The following CSMD1 variants were observed in gnomAD, a reference collection of about 807,000 sequenced individuals.
CSMD1 encodes CUB and sushi domain-containing protein 1.
In CSMD1, 213 loss-of-function variants were observed where a neutral mutation model predicts 417.5. The observed-to-expected ratio is 0.51, with a 90% CI of 0.46 to 0.57. CSMD1 has a LOEUF of 0.57. Among genes scored for constraint, CSMD1 ranks in the 20% least tolerant of loss-of-function variants. The pLI, the probability that CSMD1 is intolerant of heterozygous loss-of-function variation, is 0.00. For missense variants in CSMD1, 6,923 were observed against 4,529.7 expected, an observed-to-expected ratio of 1.53 and a Z score of -15.17; for synonymous variants, 2,862 against 1,736.8, an observed-to-expected ratio of 1.65 and a Z score of -16.11.
At chr8:3,556,834 C>T (rs759103694) in intron 10 of CSMD1, among the ~76,000 whole-genome samples, 5 of 151,758 alleles carry the variant, frequency 3.3e-5, no homozygotes, top group Non-Finnish European at 5.9e-5. Context: ...CCCTTCACTG[C>T]CATAGGGCTT....
chr8:3,007,988 A>G (rs1808084020), intron 52 of CSMD1, among the ~76,000 whole-genome samples: 1 of 152,166 alleles, frequency 6.6e-6, no homozygotes, highest in Non-Finnish European at 1.5e-5. Context: ...CTGCTATTAT[A>G]TTTTGCTTAA....
At chr8:4,714,941 G>C (rs1389991980) in intron 1 of CSMD1, among the ~76,000 whole-genome samples, 1 of 152,166 alleles carries the variant, frequency 6.6e-6, no homozygotes, top group Non-Finnish European at 1.5e-5. Flanking sequence ...GGTGTCTAGA[G>C]AATTCTGCTG....
intron 21 of CSMD1, among the ~76,000 whole-genome samples, chr8:3,354,807 C>A (rs1429328289): frequency 2.0e-4 from 20 of 98,334 alleles, no homozygotes; most frequent in Admixed American, 5.6e-4. Context: ...AACTCTCTCT[C>A]TCTCTATATA....
intron 2 of CSMD1, among the ~76,000 whole-genome samples, chr8:4,627,740 A>C (rs1802203897): frequency 6.6e-6 from 1 of 152,158 alleles, no homozygotes; most frequent in Non-Finnish European, 1.5e-5. Flanking sequence ...CCCCTCAGCC[A>C]GTTCCAGCTA....
intron 12 of CSMD1, among the ~76,000 whole-genome samples, chr8:3,439,153 CCAAG>C (rs1563390146): frequency 7.8e-4 from 31 of 39,868 alleles, no homozygotes; most frequent in South Asian, 2.0e-3. Flanking sequence ...AAAAAAAAAA[CCAAG>C]AAAAAAAAAA....
At chr8:3,276,472 G>T (rs1802299829) in intron 26 of CSMD1, among the ~76,000 whole-genome samples, 1 of 152,054 alleles carries the variant, frequency 6.6e-6, no homozygotes, top group Admixed American at 6.6e-5. Flanking sequence ...GCTTGTGCAG[G>T]GAAACTCCCA....
chr8:4,240,859 T>A (rs950687524), intron 3 of CSMD1, among the ~76,000 whole-genome samples: 7 of 152,224 alleles, frequency 4.6e-5, no homozygotes, highest in African/African-American at 1.7e-4. Context: ...TAGCATTTTT[T>A]AAAATATTGA....
At chr8:3,197,118 T>C (rs1292044385) in intron 33 of CSMD1, among the ~76,000 whole-genome samples, 5 of 152,206 alleles carry the variant, frequency 3.3e-5, no homozygotes, top group Non-Finnish European at 7.3e-5. Context: ...TTACATTGCT[T>C]CAGAAGTTCA....
At chr8:3,783,057 G>A (rs768904682) in intron 5 of CSMD1, among the ~76,000 whole-genome samples, 2 of 152,064 alleles carry the variant, frequency 1.3e-5, no homozygotes, top group Non-Finnish European at 2.9e-5. Context: ...ACTTCCTACT[G>A]TTGAAAGCAA....
intron 11 of CSMD1, among the ~76,000 whole-genome samples, chr8:3,476,229 G>T (rs1049743996): frequency 6.6e-6 from 1 of 152,152 alleles, no homozygotes; most frequent in Non-Finnish European, 1.5e-5. Flanking sequence ...ACCTATCTCT[G>T]ACTCTGAAAT....
At chr8:3,495,316 A>C (rs1796318655) in intron 10 of CSMD1, among the ~76,000 whole-genome samples, 2 of 152,210 alleles carry the variant, frequency 1.3e-5, no homozygotes, top group Admixed American at 1.3e-4. Flanking sequence ...CCGACATGTT[A>C]ACTCAGTCCT....
intron 3 of CSMD1, among the ~76,000 whole-genome samples, chr8:4,358,899 G>T (rs1390047223): frequency 1.3e-5 from 2 of 151,952 alleles, no homozygotes; most frequent in Admixed American, 1.3e-4. Context: ...AAAACTACAG[G>T]ACAGTGAACC....
intron 3 of CSMD1, among the ~76,000 whole-genome samples, chr8:4,057,147 C>G (rs1235766122): frequency 3.3e-5 from 5 of 152,172 alleles, no homozygotes; most frequent in Admixed American, 3.3e-4. Context: ...TTTACAGTCC[C>G]ACCAACAGTG....
chr8:4,454,703 C>T (rs1799364725), intron 2 of CSMD1, among the ~76,000 whole-genome samples: 3 of 152,158 alleles, frequency 2.0e-5, no homozygotes, highest in East Asian at 1.9e-4. Context: ...AGCTAATCAA[C>T]CTGAAACTTT....
intron 5 of CSMD1, among the ~76,000 whole-genome samples, chr8:3,997,521 C>T (rs576969943): frequency 1.3e-5 from 2 of 152,198 alleles, no homozygotes; most frequent in Non-Finnish European, 2.9e-5. Context: ...ATATCTGCAG[C>T]AGTCTGTCAA....
At chr8:3,840,666 A>G (rs1335127477) in intron 5 of CSMD1, among the ~76,000 whole-genome samples, 1 of 150,946 alleles carries the variant, frequency 6.6e-6, no homozygotes, top group African/African-American at 2.4e-5. Context: ...TGAGGTCACT[A>G]TACAGTGACC....
intron 5 of CSMD1, among the ~76,000 whole-genome samples, chr8:3,866,586 A>C (rs775222809): frequency 6.6e-5 from 10 of 151,928 alleles, no homozygotes; most frequent in Non-Finnish European, 1.3e-4. Context: ...AGCCACTGAA[A>C]ACACCTTATA....
At chr8:4,498,995 T>C (rs929589215) in intron 2 of CSMD1, among the ~76,000 whole-genome samples, 1 of 152,058 alleles carries the variant, frequency 6.6e-6, no homozygotes, top group Non-Finnish European at 1.5e-5. Context: ...AAAAAGTAAT[T>C]GAAACATTTT....
chr8:3,477,697 G>A (rs554032379), intron 11 of CSMD1, among the ~76,000 whole-genome samples: 1 of 152,256 alleles, frequency 6.6e-6, no homozygotes, highest in Non-Finnish European at 1.5e-5. Context: ...CAAACCAGAA[G>A]GAATTTAAGC....
Sources: gnomAD v4.1 joint callset for allele counts (sites outside exome capture counted in the v4.1 genomes callset) on GRCh38, gnomAD v4.1.1 for gene constraint, MANE v1.5 for transcripts, NCBI Gene and HGNC (gene_info 2026-07-23, HGNC 2026-07-21) for gene names.